ZNF407: variants seen among roughly 807,000 people sequenced by gnomAD.
ZNF407 encodes the protein zinc finger protein 407.
A neutral mutation model predicts 131.2 loss-of-function variants in ZNF407; 17 were observed. That is an observed-to-expected ratio of 0.13 (90% CI 0.09 to 0.19). The LOEUF is 0.19. Ranked by LOEUF, ZNF407 falls within the 10% of genes least tolerant of loss-of-function variation. ZNF407 has a pLI of 1.00. For synonymous variants in ZNF407, 1,156 were observed against 1,062.0 expected (o/e 1.09, Z -1.72); for missense variants, 2,681 against 2,830.6 (o/e 0.95, Z 1.20).
chr18:75,041,194 C>A (rs145281275), intron 8 of ZNF407, among the ~76,000 whole-genome samples: 1 of 152,188 alleles, frequency 6.6e-6, no homozygotes, highest in Non-Finnish European at 1.5e-5. Flanking sequence ...AGTGGCTAAA[C>A]GTAGATTTTA....
chr18:74,817,740 A>T (rs935674272), intron 4 of ZNF407, among the ~76,000 whole-genome samples: 1 of 152,178 alleles, frequency 6.6e-6, no homozygotes, highest in Non-Finnish European at 1.5e-5. Flanking sequence ...ATTGATCTTA[A>T]CCACAAGGCT....
chr18:74,768,987 G>C (rs1026682791), intron 3 of ZNF407, among the ~76,000 whole-genome samples: 1 of 152,108 alleles, frequency 6.6e-6, no homozygotes, highest in African/African-American at 2.4e-5. Context: ...CCTCTTCTTA[G>C]TCATGGTCAT....
chr18:74,978,516 C>A (rs1427325357), intron 8 of ZNF407, among the ~76,000 whole-genome samples: 2 of 151,838 alleles, frequency 1.3e-5, no homozygotes, highest in African/African-American at 4.8e-5. Flanking sequence ...TTTTTAGAGA[C>A]CAACTACAAG....
chr18:74,944,477 A>G (rs1331844654), intron 8 of ZNF407, among the ~76,000 whole-genome samples: 1 of 152,234 alleles, frequency 6.6e-6, no homozygotes, highest in African/African-American at 2.4e-5. Context: ...ACTAGATTTT[A>G]TTCTAACCTA....
intron 8 of ZNF407, among the ~76,000 whole-genome samples, chr18:74,989,778 G>A (rs1486503272): frequency 1.3e-5 from 2 of 151,738 alleles, no homozygotes; most frequent in Non-Finnish European, 2.9e-5. Flanking sequence ...AGGAGGTGGA[G>A]GTTGCAGTGA....
intron 4 of ZNF407, among the ~76,000 whole-genome samples, chr18:74,821,411 C>A (rs1970338217): frequency 6.6e-6 from 1 of 151,926 alleles, no homozygotes; most frequent in Non-Finnish European, 1.5e-5. Flanking sequence ...CTAATGCTAT[C>A]CCTCCCCTAG....
At chr18:74,654,911 A>C (rs1054257225) in intron 3 of ZNF407, among the ~76,000 whole-genome samples, 1 of 151,952 alleles carries the variant, frequency 6.6e-6, no homozygotes, top group Non-Finnish European at 1.5e-5. Flanking sequence ...TTGAATTACT[A>C]TAAATGAGTT....
intron 3 of ZNF407, among the ~76,000 whole-genome samples, chr18:74,711,282 C>T (rs1568177844): frequency 6.6e-6 from 1 of 152,156 alleles, no homozygotes. Flanking sequence ...CCTGTGACTA[C>T]ATTATTTTGC....
chr18:74,796,215 T>C (rs1288111946), intron 4 of ZNF407, among the ~76,000 whole-genome samples: 1 of 152,264 alleles, frequency 6.6e-6, no homozygotes, highest in African/African-American at 2.4e-5. Flanking sequence ...AATAGAACTG[T>C]CATCCAAATA....
At chr18:74,922,868 G>C (rs545569337) in intron 8 of ZNF407, among the ~76,000 whole-genome samples, 1 of 152,176 alleles carries the variant, frequency 6.6e-6, no homozygotes, top group African/African-American at 2.4e-5. Context: ...ACTTAAGCTT[G>C]ATCATTCTCT....
chr18:74,805,659 A>G (rs1970097941), intron 4 of ZNF407, among the ~76,000 whole-genome samples: 1 of 152,222 alleles, frequency 6.6e-6, no homozygotes, highest in African/African-American at 2.4e-5. Context: ...AAACTGAACC[A>G]AAGTTTTCCT....
rs1746645807 is a variant in ZNF407, at chr18:74,651,553, A to T, written c.4802+10431A>T. Among the ~76,000 whole-genome samples the T allele has an allele frequency of 3.9e-5, 6 of 152,304 alleles. No homozygotes were observed. The South Asian group carries it at 1.2e-3, about 32-fold the overall frequency. On this transcript the variant is annotated intron_variant, in intron 3 of 8. Coordinates refer to ENST00000299687, the MANE Select transcript of ZNF407 (RefSeq NM_017757.3). ...TCACAGCCATGTATTTTCTGTTGAC[A>T]GTCATCGACAGAGAATATTTGGCAG... is the stretch of plus-strand genomic sequence containing the variant.
At chr18:75,032,356 T>C (rs1049926044) in intron 8 of ZNF407, among the ~76,000 whole-genome samples, 1 of 152,208 alleles carries the variant, frequency 6.6e-6, no homozygotes, top group African/African-American at 2.4e-5. Context: ...CTCAGCTCCT[T>C]CATCCCAAGT....
chr18:74,771,356 A>G (rs1002678332), intron 3 of ZNF407, among the ~76,000 whole-genome samples: 2 of 152,082 alleles, frequency 1.3e-5, no homozygotes, highest in African/African-American at 4.8e-5. Flanking sequence ...ACAGATTTGA[A>G]TACCTTTGAA....
intron 2 of ZNF407, 100 bp from the exon 3 acceptor site, chr18:74,640,908 A>G: frequency 1.2e-6 from 1 of 823,338 alleles, no homozygotes; most frequent in South Asian, 1.7e-5. Flanking sequence ...AGAAATTCTT[A>G]ATTAGGTTAA....
intron 6 of ZNF407, among the ~76,000 whole-genome samples, chr18:74,885,712 A>T (rs933064289): frequency 6.6e-6 from 1 of 152,182 alleles, no homozygotes; most frequent in Non-Finnish European, 1.5e-5. Context: ...AAAGGAGTAA[A>T]GGCAATTTAG....
At chr18:74,654,355 A>T (rs1364543194) in intron 3 of ZNF407, among the ~76,000 whole-genome samples, 1 of 151,842 alleles carries the variant, frequency 6.6e-6, no homozygotes, top group African/African-American at 2.4e-5. Context: ...TGACAGAAAA[A>T]TAAAGGCAAT....
intron 1 of ZNF407, among the ~76,000 whole-genome samples, chr18:74,621,092 C>G (rs1983490478): frequency 1.1e-5 from 1 of 86,968 alleles, no homozygotes; most frequent in East Asian, 6.0e-4. Flanking sequence ...AAAACTCGCT[C>G]TACTGTATCT....
chr18:74,820,474 G>A (rs1452212343), intron 4 of ZNF407, among the ~76,000 whole-genome samples: 3 of 152,196 alleles, frequency 2.0e-5, no homozygotes, highest in East Asian at 1.9e-4. Context: ...CCTGCAAACT[G>A]GTTCAGGGAC....
Sources: allele counts gnomAD v4.1 joint callset (sites outside exome capture counted in the v4.1 genomes callset), GRCh38; gene constraint gnomAD v4.1.1; transcripts MANE v1.5; gene names NCBI Gene and HGNC (gene_info 2026-07-23, HGNC 2026-07-21).